Variants in SYNPR observed in about 807,000 individuals in gnomAD.
SYNPR encodes synaptoporin.
A neutral mutation model predicts 32.9 loss-of-function variants in SYNPR; 23 were observed. The ratio of observed to expected loss-of-function variants is 0.70; its 90% CI spans 0.50 to 0.99. The LOEUF (loss-of-function observed/expected upper bound fraction) is 0.99, where lower values mean the gene tolerates loss of function less well. Among genes scored for constraint, SYNPR ranks in the 50% least tolerant of loss-of-function variants. The pLI, the probability that SYNPR is intolerant of heterozygous loss-of-function variation, is 0.00. For synonymous variants in SYNPR, 146 were observed against 135.9 expected (o/e 1.07, Z -0.52); for missense variants, 318 against 349.3 (o/e 0.91, Z 0.71).
chr3:63,535,662 A>G (rs762908907), intron 3 of SYNPR, among the ~76,000 whole-genome samples: 1 of 148,872 alleles, frequency 6.7e-6, no homozygotes, highest in Non-Finnish European at 1.5e-5. Context: ...ATAAGAGTAC[A>G]AGGCATATTA....
chr3:63,499,992 A>C (rs1365624412), intron 3 of SYNPR, among the ~76,000 whole-genome samples: 2 of 152,164 alleles, frequency 1.3e-5, no homozygotes, highest in Non-Finnish European at 2.9e-5. Flanking sequence ...ATTGGGATTA[A>C]ATTTTTTTAA....
intron 1 of SYNPR, among the ~76,000 whole-genome samples, chr3:63,242,614 G>T (rs2086257092): frequency 6.6e-6 from 1 of 152,166 alleles, no homozygotes; most frequent in South Asian, 2.1e-4. Context: ...AAGTCACCCA[G>T]TAGAGATACT....
Position 63,372,464 on chromosome 3 carries a change from T to G in SYNPR, c.84+93722T>G, listed in dbSNP as rs148551368. Among the ~76,000 whole-genome samples the G allele has an allele frequency of 4.8e-3, 733 of 152,272 alleles. 6 individuals carry two copies. Among genetic ancestry groups the G allele is most frequent in the African/African-American group, 0.016 (677 of 41,548 alleles). On this transcript the variant is annotated intron_variant, in intron 2 of 5. Coordinates refer to ENST00000478300, the MANE Select transcript of SYNPR (RefSeq NM_001130003.2). ...TGGATTGGGGAAGTAGCAAAGACACTGGGTGCTTTAACCATGACTCCAGCA... is the reference window on the plus strand; with the variant it reads ...TGGATTGGGGAAGTAGCAAAGACACGGGGTGCTTTAACCATGACTCCAGCA...
At chr3:63,483,883 A>C (rs1701096008) in intron 3 of SYNPR, among the ~76,000 whole-genome samples, 1 of 152,232 alleles carries the variant, frequency 6.6e-6, no homozygotes, top group Non-Finnish European at 1.5e-5. Context: ...CAATGATTTG[A>C]TGATAATCTT....
At chr3:63,346,203 C>T (rs976115312) in intron 2 of SYNPR, among the ~76,000 whole-genome samples, 6 of 152,134 alleles carry the variant, frequency 3.9e-5, no homozygotes, top group African/African-American at 1.2e-4. Context: ...GTTTTAAAAG[C>T]TCTTCACTTT....
At chr3:63,270,156 C>A (rs2106908219) in intron 3 of SYNPR, among the ~76,000 whole-genome samples, 1 of 152,246 alleles carries the variant, frequency 6.6e-6, no homozygotes. Context: ...GTCTAAAGTA[C>A]TCTCGGAACC....
At chr3:63,556,504 T>C (rs1021984375) in intron 3 of SYNPR, 39 bp from the exon 4 acceptor site, 17 of 1,553,082 alleles carry the variant, frequency 1.1e-5, no homozygotes, top group Admixed American at 9.6e-5. Context: ...TTTGTCTCCA[T>C]TGCATTTAAA....
chr3:63,594,980 A>G (rs1699908491), intron 4 of SYNPR, among the ~76,000 whole-genome samples: 1 of 152,166 alleles, frequency 6.6e-6, no homozygotes, highest in African/African-American at 2.4e-5. Context: ...CTTGGAGAAA[A>G]CACACAGACC....
Position 63,580,135 on chromosome 3 carries a change from C to CT in SYNPR, c.408+23400dup, listed in dbSNP as rs576533172. On this transcript the variant is annotated intron_variant, in intron 4 of 5. Coordinates refer to ENST00000478300, the MANE Select transcript of SYNPR (RefSeq NM_001130003.2). ...AAAAAAGAAATCCCTGTATTCATCA[C>CT]TTTTTTATGAGCAAAGTTCATCAAA... Among the ~76,000 whole-genome samples the CT allele has an allele frequency of 3.5e-3, 537 of 152,180 alleles. 3 individuals are homozygous for CT. Among genetic ancestry groups the CT allele is most frequent in the African/African-American group, 0.013 (520 of 41,558 alleles).
chr3:63,595,426 T>C (rs1699915754), intron 4 of SYNPR, among the ~76,000 whole-genome samples: 1 of 151,856 alleles, frequency 6.6e-6, no homozygotes, highest in Middle Eastern at 3.4e-3. Context: ...CCAATGGATT[T>C]GTCATTAAAG....
At chr3:63,573,386 G>A (rs1476670051) in intron 4 of SYNPR, among the ~76,000 whole-genome samples, 1 of 148,678 alleles carries the variant, frequency 6.7e-6, no homozygotes, top group Non-Finnish European at 1.5e-5. Flanking sequence ...TCACACTCAA[G>A]ATAAGAAGTC....
chr3:63,506,238 GC>G (rs1230199802), intron 3 of SYNPR, among the ~76,000 whole-genome samples: 13 of 151,888 alleles, frequency 8.6e-5, no homozygotes, highest in African/African-American at 1.2e-4. Context: ...TTGAACATGG[GC>G]CCCAATGCCA....
chr3:63,392,754 A>G (rs551389539), intron 2 of SYNPR, among the ~76,000 whole-genome samples: 1 of 152,286 alleles, frequency 6.6e-6, no homozygotes, highest in African/African-American at 2.4e-5. Flanking sequence ...ATAACTCAGT[A>G]AGACACATTT....
chr3:63,347,795 G>T (rs1324548066), intron 2 of SYNPR, among the ~76,000 whole-genome samples: 1 of 151,940 alleles, frequency 6.6e-6, no homozygotes, highest in Non-Finnish European at 1.5e-5. Context: ...TGCTGCAAAA[G>T]ACATGATTTT....
chr3:63,591,588 A>G (rs1466268836), intron 4 of SYNPR, among the ~76,000 whole-genome samples: 2 of 134,668 alleles, frequency 1.5e-5, no homozygotes, highest in Non-Finnish European at 3.1e-5. Flanking sequence ...TGGATTAAGA[A>G]AATGTGGCAC....
At chr3:63,471,667 A>G (rs761389497) in intron 2 of SYNPR, among the ~76,000 whole-genome samples, 1 of 152,216 alleles carries the variant, frequency 6.6e-6, no homozygotes, top group African/African-American at 2.4e-5. Context: ...ATATCCTGAC[A>G]GTACATATTC....
chr3:63,436,997 C>T (rs1700096814), intron 2 of SYNPR, among the ~76,000 whole-genome samples: 1 of 152,168 alleles, frequency 6.6e-6, no homozygotes. Flanking sequence ...CTGCCTCAGC[C>T]TCCTGAGTAG....
chr3:63,552,162 T>G (rs966685411), intron 3 of SYNPR, among the ~76,000 whole-genome samples: 1 of 152,032 alleles, frequency 6.6e-6, no homozygotes, highest in African/African-American at 2.4e-5. Flanking sequence ...CCTCCCAAAG[T>G]GCTGTGATTA....
At chr3:63,211,122 G>A in the SYNPR span, among the ~76,000 whole-genome samples, 1 of 152,156 alleles carries the variant, frequency 6.6e-6, no homozygotes, top group Non-Finnish European at 1.5e-5. Context: ...AGCCTGGAGT[G>A]CAGTGGCGCG....
Sources: allele counts gnomAD v4.1 joint callset (sites outside exome capture counted in the v4.1 genomes callset), GRCh38; gene constraint gnomAD v4.1.1; transcripts MANE v1.5; gene names NCBI Gene and HGNC (gene_info 2026-07-23, HGNC 2026-07-21).